TNFRSF12A: variants seen among roughly 807,000 people sequenced by gnomAD.
The protein encoded by TNFRSF12A is tumor necrosis factor receptor superfamily member 12A.
A neutral mutation model predicts 15.5 loss-of-function variants in TNFRSF12A; 13 were observed. The ratio of observed to expected loss-of-function variants is 0.84; its 90% confidence interval spans 0.54 to 1.33. TNFRSF12A has a LOEUF of 1.33. TNFRSF12A is among the 40% of genes most tolerant of loss of function. The pLI, the probability that TNFRSF12A is intolerant of heterozygous loss-of-function variation, is 0.00. For synonymous variants in TNFRSF12A, 89 were observed against 78.4 expected, an observed-to-expected ratio of 1.14 and a Z score of -0.71; for missense variants, 174 against 173.6, an observed-to-expected ratio of 1.00 and a Z score of -0.01.
intron 2 of TNFRSF12A, 63 bp downstream of exon 2, chr16:3,021,382 G>A: frequency 1.4e-6 from 2 of 1,447,464 alleles, no homozygotes; most frequent in African/African-American, 1.4e-5. Flanking sequence ...TGGCTGGTGC[G>A]CAGAGCGGGG....
At chr16:3,020,954 G>C (rs1206322714) in intron 1 of TNFRSF12A, 1 of 476,960 alleles carries the variant, frequency 2.1e-6, no homozygotes, top group South Asian at 3.8e-5. Context: ...GGAGGGACTG[G>C]GGTCGGGCCC....
chr16:3,021,128 A>T, intron 1 of TNFRSF12A, 87 bp from the exon 2 acceptor site: 1 of 676,432 alleles, frequency 1.5e-6, no homozygotes, highest in Non-Finnish European at 2.4e-6. Context: ...CCGGTGACTC[A>T]CGTTATTCGA....
rs1192951694 is a variant in TNFRSF12A, at chr16:3,021,904, AC to A, written c.*79del. On this transcript the variant is annotated 3_prime_UTR_variant, in exon 4 of 4. Coordinates refer to ENST00000326577, the MANE Select transcript of TNFRSF12A (RefSeq NM_016639.3). Reference sequence around the variant, plus strand: ...TCTAGAGCCAGTCTCTGCCTCCCAGACGCGGCGGGAGCCAAGCTCCTCCAAC... The same window carrying A: ...TCTAGAGCCAGTCTCTGCCTCCCAGAGCGGCGGGAGCCAAGCTCCTCCAAC... 1 of 1,522,388 alleles carries A rather than the reference AC, an allele frequency of 6.6e-7. No individual in the cohort carries two copies. Among genetic ancestry groups the A allele is most frequent in the Non-Finnish European group, 8.9e-7 (1 of 1,124,536 alleles). The allele number at this position is 1,522,388 out of a possible 1,614,324, so 94.3% of individuals were successfully genotyped here.
chr16:3,020,995 CA>C (rs1224354011), intron 1 of TNFRSF12A: 1 of 488,198 alleles, frequency 2.0e-6, no homozygotes, highest in Non-Finnish European at 3.6e-6. Flanking sequence ...CCGCCGGCGG[CA>C]GGGGGGTTGT....
chr16:3,020,838 G>A (rs1367936305), intron 1 of TNFRSF12A: 2 of 407,272 alleles, frequency 4.9e-6, no homozygotes, highest in Non-Finnish European at 8.6e-6. Context: ...TAGCCCCAGT[G>A]ATCGACGAGT....
intron 1 of TNFRSF12A, 167 bp downstream of exon 1, chr16:3,020,658 G>A (rs1326617303): frequency 2.3e-6 from 1 of 430,590 alleles, no homozygotes; most frequent in Non-Finnish European, 3.9e-6. Flanking sequence ...CACTCTCCAA[G>A]CTTCATTCAC....
rs775763126 is a variant in TNFRSF12A at position 3,021,223 on chromosome 16, C to T, written c.103C>T (p.Pro35Ser). The T allele has an allele frequency of 6.3e-7, 1 of 1,577,092 alleles. No homozygotes were observed. The highest frequency in any genetic ancestry group is 8.6e-7 in the Non-Finnish European group (1 of 1,167,736). The stretch of plus-strand genomic sequence containing the variant: ...CGAGGCCCCCTCCCCAGGCACCGCC[C>T]CCTGCTCCCGCGGCAGCTCCTGGAG... ...VAGEQAPGTA[P>S]CSRGSSWSAD... The change falls in exon 2 of 4, where the codon CCC becomes TCC. Residue 35 changes from proline to serine, a missense_variant. Physicochemically the swap from Pro to Ser is moderately conservative, Grantham distance 74. Transcript: ENST00000326577.
chr16:3,021,571 T>A lies in TNFRSF12A; in HGVS notation c.216T>A (p.Pro72=), dbSNP rs760350271. 9 of 1,611,248 alleles carry A rather than the reference T, an allele frequency of 5.6e-6. No homozygotes were observed. The highest frequency in any genetic ancestry group is 1.7e-4 in the Middle Eastern group (1 of 6,016). ...CGCCCCCAGGCGCTGCAGCACCTCCTGCCCCCTTCCGGCTGCTTTGGCCCA... is the reference window on the plus strand; with the variant it reads ...CGCCCCCAGGCGCTGCAGCACCTCCAGCCCCCTTCCGGCTGCTTTGGCCCA... ...DFCLGCAAAP[P]APFRLLWPIL... Residue 72 remains proline (P), a synonymous_variant, in exon 3 of 4, where the codon CCT becomes CCA. Coordinates refer to ENST00000326577, the MANE Select transcript of TNFRSF12A (RefSeq NM_016639.3).
At chr16:3,020,870 C>G (rs2072603732) in intron 1 of TNFRSF12A, 1 of 415,922 alleles carries the variant, frequency 2.4e-6, no homozygotes, top group Admixed American at 4.3e-5. Context: ...TCGAGAGGCA[C>G]TAGGGTCTGT....
At chr16:3,020,730 A>T (rs566107669) in intron 1 of TNFRSF12A, 1 of 399,634 alleles carries the variant, frequency 2.5e-6, no homozygotes, top group East Asian at 3.6e-5. Context: ...CAGTTCCACA[A>T]GTCCGAAGTA....
At position 3,022,298 on chromosome 16, in the gene TNFRSF12A, T is replaced by G; in HGVS notation, c.*472T>G. Reference sequence around the variant, plus strand: ...GCCCTAAGATACAGACCCCCCCAACTCCCCAAAGCGGGGAGGAGATATTTA... The same window carrying G: ...GCCCTAAGATACAGACCCCCCCAACGCCCCAAAGCGGGGAGGAGATATTTA... On this transcript the variant is annotated 3_prime_UTR_variant, in exon 4 of 4. Transcript: ENST00000326577. 2 of 263,066 alleles carry G rather than the reference T, an allele frequency of 7.6e-6. No individual in the cohort carries two copies. Among genetic ancestry groups the G allele is most frequent in the East Asian group, 1.3e-4 (2 of 15,074 alleles). 16.3% of individuals were successfully genotyped at this position (263,066 alleles called of 1,614,324 possible). A position where few individuals can be genotyped will look rare whatever the true frequency, so the allele number is the denominator to read the frequency against.
Position 3,022,075 on chromosome 16 carries a change from G to A in TNFRSF12A, c.*249G>A. On this transcript the variant is annotated 3_prime_UTR_variant, in exon 4 of 4. Transcript: ENST00000326577. ...TGGCTCACACAAAACAGCTGACACTGACTAAGGAACTGCAGCATTTGCACA... is the reference window on the plus strand; with the variant it reads ...TGGCTCACACAAAACAGCTGACACTAACTAAGGAACTGCAGCATTTGCACA... 1.9e-6 allele frequency: 1 copy of A among 520,292 alleles called. No homozygotes were observed. Among genetic ancestry groups the A allele is most frequent in the Non-Finnish European group, 3.4e-6 (1 of 296,220 alleles). The allele number at this position is 520,292 out of a possible 1,614,324, so 32.2% of individuals were successfully genotyped here.
In TNFRSF12A at chr16:3,022,066, G is replaced by A; in HGVS notation, c.*240G>A. 1.9e-6 allele frequency: 1 copy of A among 539,786 alleles called. No individual in the cohort carries two copies. Among genetic ancestry groups the A allele is most frequent in the Non-Finnish European group, 3.3e-6 (1 of 306,420 alleles). 33.4% of individuals were successfully genotyped at this position (539,786 alleles called of 1,614,324 possible). ...GCCTCACGCTGGCTCACACAAAACA[G>A]CTGACACTGACTAAGGAACTGCAGC... On this transcript the variant is annotated 3_prime_UTR_variant, in exon 4 of 4. Coordinates refer to ENST00000326577, the MANE Select transcript of TNFRSF12A (RefSeq NM_016639.3).
At position 3,021,394 on chromosome 16, in the gene TNFRSF12A, C is replaced by G. The variant is rs948436084; in HGVS notation, c.199+75C>G. 6 of 1,436,658 alleles carry G rather than the reference C, an allele frequency of 4.2e-6. No individual in the cohort carries two copies. The African/African-American group carries it at 4.3e-5, about 10-fold the overall frequency. The allele number at this position is 1,436,658 out of a possible 1,614,324, so 89.0% of individuals were successfully genotyped here. A position where few individuals can be genotyped will look rare whatever the true frequency, so the allele number is the denominator to read the frequency against. On this transcript the variant is annotated intron_variant, in intron 2 of 3. Coordinates refer to ENST00000326577, the MANE Select transcript of TNFRSF12A (RefSeq NM_016639.3). The stretch of plus-strand genomic sequence containing the variant: ...GGGTGGCTGGTGCGCAGAGCGGGGC[C>G]GAGAGCTTTGCATCTGGGAAATCAT...
At chr16:3,020,637 G>T in intron 1 of TNFRSF12A, 146 bp downstream of exon 1, 2 of 473,698 alleles carry the variant, frequency 4.2e-6, no homozygotes, top group Non-Finnish European at 6.8e-6. Flanking sequence ...CCCGGCTGTG[G>T]GAAGTTCCAT....
rs1596470214 is a variant in TNFRSF12A, at chr16:3,021,470, G to A, written c.200-85G>A. ...GGGCTCCGGTCAGGGAGGAGGCCAC[G>A]TTTGGGAGAAGGCAGAAGGCTCAGT... On this transcript the variant is annotated intron_variant, in intron 2 of 3. Coordinates refer to ENST00000326577, the MANE Select transcript of TNFRSF12A (RefSeq NM_016639.3). The A allele has an allele frequency of 2.7e-6, 4 of 1,459,702 alleles. No individual in the cohort carries two copies. The South Asian group carries it at 5.5e-5, about 20-fold the overall frequency. 90.4% of individuals were successfully genotyped at this position (1,459,702 alleles called of 1,614,324 possible).
intron 1 of TNFRSF12A, 138 bp from the exon 2 acceptor site, chr16:3,021,077 C>T (rs1300585000): frequency 5.9e-6 from 3 of 505,798 alleles, no homozygotes; most frequent in Non-Finnish European, 1.0e-5. Flanking sequence ...GTGTCCCGGT[C>T]GGGCCGTGCG....
intron 1 of TNFRSF12A, 22 bp downstream of exon 1, chr16:3,020,513 G>A: frequency 7.8e-7 from 1 of 1,281,696 alleles, no homozygotes; most frequent in Non-Finnish European, 9.9e-7. Context: ...TCCGGGGTCG[G>A]GGAACCCCGG....
chr16:3,022,195 A>C lies in TNFRSF12A; in HGVS notation c.*369A>C. The C allele has an allele frequency of 2.5e-6, 1 of 405,926 alleles. No homozygotes were observed. The highest frequency in any genetic ancestry group is 3.7e-5 in the East Asian group (1 of 27,352). The allele number at this position is 405,926 out of a possible 1,614,324, so 25.1% of individuals were successfully genotyped here. On this transcript the variant is annotated 3_prime_UTR_variant, in exon 4 of 4. Transcript: ENST00000326577. Reference sequence around the variant, plus strand: ...AGGCCCCACTCACTCAGATGTCCTGAAATTCCACCACGGGGGTCACCCTGG... The same window carrying C: ...AGGCCCCACTCACTCAGATGTCCTGCAATTCCACCACGGGGGTCACCCTGG...
Sources: gnomAD v4.1 joint callset for allele counts on GRCh38, gnomAD v4.1.1 for gene constraint, MANE v1.5 for transcripts, NCBI Gene and HGNC (gene_info 2026-07-23, HGNC 2026-07-21) for gene names.